SLC12A7: variants seen among roughly 807,000 people sequenced by gnomAD.
The protein encoded by SLC12A7 is K-Cl cotransporter 4.
A neutral mutation model predicts 120.6 loss-of-function variants in SLC12A7; 100 were observed. That is an observed-to-expected ratio of 0.83 (90% CI 0.71 to 0.98). SLC12A7 has a LOEUF of 0.98. Among genes scored for constraint, SLC12A7 ranks in the 50% least tolerant of loss-of-function variants. The pLI, the probability that SLC12A7 is intolerant of heterozygous loss-of-function variation, is 0.00. For missense variants in SLC12A7, 1,373 were observed against 1,548.1 expected, an observed-to-expected ratio of 0.89 and a Z score of 1.90; for synonymous variants, 760 against 678.0, an observed-to-expected ratio of 1.12 and a Z score of -1.88.
the SLC12A7 span, among the ~76,000 whole-genome samples, chr5:1,118,329 G>A: frequency 1.2e-3 from 184 of 152,354 alleles, 1 homozygote; most frequent in South Asian, 7.2e-3. Context: ...CCCATTGGGC[G>A]GTTACATGAG....
Position 1,051,425 on chromosome 5 carries a change from G to C in SLC12A7, c.*935C>G, listed in dbSNP as rs1209287404. 3 of 154,194 alleles carry C rather than the reference G, an allele frequency of 1.9e-5. No homozygotes were observed. The highest frequency in any genetic ancestry group is 7.2e-5 in the African/African-American group (3 of 41,546). The allele number at this position is 154,194 out of a possible 1,614,324, so 9.6% of individuals were successfully genotyped here. A position where few individuals can be genotyped will look rare whatever the true frequency, so the allele number is the denominator to read the frequency against. On this transcript the variant is annotated 3_prime_UTR_variant, in exon 24 of 24. Coordinates refer to ENST00000264930, the MANE Select transcript of SLC12A7 (RefSeq NM_006598.3). Reference sequence around the variant, plus strand: ...TGGGGAGGGCAGTCCTGGCTGTCGTGGGCTGTCGGGGGAACTCACTGTTCA... The same window carrying C: ...TGGGGAGGGCAGTCCTGGCTGTCGTCGGCTGTCGGGGGAACTCACTGTTCA...
chr5:1,081,753 C>A lies in SLC12A7; in HGVS notation c.1130-9G>T, dbSNP rs1374347721. ...CGTACTCCACAGGTTCTCTGCCGGGCAAGGAAGATCCCATGGGTTTCTGGC... is the reference window on the plus strand; with the variant it reads ...CGTACTCCACAGGTTCTCTGCCGGGAAAGGAAGATCCCATGGGTTTCTGGC... On this transcript the variant is annotated splice_polypyrimidine_tract_variant and intron_variant, in intron 8 of 23. Transcript: ENST00000264930. The A allele has an allele frequency of 2.5e-6, 4 of 1,607,270 alleles. No individual in the cohort carries two copies. The highest frequency in any genetic ancestry group is 4.5e-5 in the East Asian group (2 of 44,698).
intron 1 of SLC12A7, among the ~76,000 whole-genome samples, chr5:1,101,444 G>A (rs1742002647): frequency 6.6e-6 from 1 of 152,160 alleles, no homozygotes; most frequent in Admixed American, 6.5e-5. Context: ...ACAGCCTCTG[G>A]TGGGTCCCTG....
intron 22 of SLC12A7, among the ~76,000 whole-genome samples, chr5:1,054,523 A>G (rs1262083667): frequency 6.6e-6 from 1 of 152,052 alleles, no homozygotes; most frequent in Admixed American, 6.6e-5. Flanking sequence ...GGAGGGGAGC[A>G]CTTGCGTTTC....
rs772566310 is a variant in SLC12A7 at position 1,086,961 on chromosome 5, T to C, written c.617A>G (p.Tyr206Cys). The C allele has an allele frequency of 6.2e-7, 1 of 1,612,636 alleles. No individual in the cohort carries two copies. The highest frequency in any genetic ancestry group is 1.1e-5 in the South Asian group (1 of 91,056). Residue 206 changes from tyrosine to cysteine, a missense_variant, in exon 6 of 24, where the codon TAC becomes TGC. Coordinates refer to ENST00000264930, the MANE Select transcript of SLC12A7 (RefSeq NM_006598.3). ...GGCCCCTGCAAACGTCGTGCCCAGG[T>C]AGAAGCAGAGGCCGACAGCGCCTCC... ...EFGGAVGLCF[Y>C]LGTTFAGAMY...
Position 1,068,762 on chromosome 5 carries a change from C to T in SLC12A7, c.2242-3284G>A, listed in dbSNP as rs545997436. On this transcript the variant is annotated intron_variant, in intron 17 of 23. Transcript: ENST00000264930. Reference sequence around the variant, plus strand: ...AGGATCTGCCTGTGAGCTCCGTTAACGTGAGAGTATAAGTGAGCGCAGCTC... The same window carrying T: ...AGGATCTGCCTGTGAGCTCCGTTAATGTGAGAGTATAAGTGAGCGCAGCTC... Among the ~76,000 whole-genome samples, 9 of 152,384 alleles carry T rather than the reference C, an allele frequency of 5.9e-5. No homozygotes were observed. In the East Asian group the frequency reaches 7.7e-4, roughly 13 times the overall value.
rs7714914 is a variant in SLC12A7 at position 1,074,806 on chromosome 5, G to A, written c.1968-135C>T. 445,964 of 784,144 alleles carry A rather than the reference G, an allele frequency of 0.57. 130,451 individuals carry two copies. The highest frequency in any genetic ancestry group is 0.74 in the East Asian group (27,404 of 37,086). The allele number at this position is 784,144 out of a possible 1,614,324, so 48.6% of individuals were successfully genotyped here. ...GGAAAAGTCCCTGGATGAGGAGGGA[G>A]GCCTCCATGCCCACCCTTGCCCTGA... is the stretch of plus-strand genomic sequence containing the variant. On this transcript the variant is annotated intron_variant, in intron 15 of 23. Transcript: ENST00000264930.
In SLC12A7 at chr5:1,097,616, G is replaced by A. The variant is rs546682157; in HGVS notation, c.125-3368C>T. ...AAGCCCTGCGTGTGGGGCCAGCGAG[G>A]CACGACTCTGTCCTTCTGCTGCTTA... On this transcript the variant is annotated intron_variant, in intron 1 of 23. Transcript: ENST00000264930. 5.9e-5 allele frequency among the ~76,000 whole-genome samples: 9 copies of A among 152,332 alleles called. No individual in the cohort carries two copies. In the South Asian group the frequency reaches 1.7e-3, roughly 28 times the overall value.
rs770624765 is a variant in SLC12A7 at position 1,064,186 on chromosome 5, G to A, written c.2504C>T (p.Pro835Leu). 37 of 1,612,240 alleles carry A rather than the reference G, an allele frequency of 2.3e-5. No homozygotes were observed. Among genetic ancestry groups the A allele is most frequent in the Middle Eastern group, 1.6e-4 (1 of 6,082 alleles). ...CCCGCCGAAGCGCTCCTGGTTTTGCGGAAACGAGTCGACGTTCTTGGCCAC... is the reference window on the plus strand; with the variant it reads ...CCCGCCGAAGCGCTCCTGGTTTTGCAGAAACGAGTCGACGTTCTTGGCCAC... ...LLVAKNVDSF[P>L]QNQERFGGGH... Residue 835 changes from proline (P) to leucine (L), a missense_variant, in exon 19 of 24, where the codon CCG (proline) becomes CTG (leucine). By Grantham distance (98) the Pro-to-Leu change is moderately conservative. Coordinates refer to ENST00000264930, the MANE Select transcript of SLC12A7 (RefSeq NM_006598.3).
At chr5:1,123,629 C>T in the SLC12A7 span, among the ~76,000 whole-genome samples, 1 of 152,260 alleles carries the variant, frequency 6.6e-6, no homozygotes, top group African/African-American at 2.4e-5. Flanking sequence ...TGGGCGTTCC[C>T]CGCTGAGGGG....
At chr5:1,061,799 GA>G (rs36074518) in intron 20 of SLC12A7, among the ~76,000 whole-genome samples, 2,459 of 70,758 alleles carry the variant, frequency 0.035, 41 homozygotes, top group Admixed American at 0.1. Context: ...AAAATACAAA[GA>G]AAAAAAAAAA....
chr5:1,131,128 C>G, the SLC12A7 span, among the ~76,000 whole-genome samples: 22,026 of 152,122 alleles, frequency 0.14, 1,821 homozygotes, highest in Non-Finnish European at 0.18. Flanking sequence ...CGCCTGTATT[C>G]GCAGGGACAC....
upstream of SLC12A7, chr5:1,112,123 C>G: frequency 9.7e-7 from 1 of 1,029,288 alleles, no homozygotes; most frequent in African/African-American, 1.7e-5. Flanking sequence ...CGTGACTTCA[C>G]CTGCTTGCCC....
rs1190411051 is a variant in SLC12A7 at position 1,112,040 on chromosome 5, C to G, written c.-49G>C. The G allele has an allele frequency of 2.7e-5, 33 of 1,217,058 alleles. No individual in the cohort carries two copies. Among genetic ancestry groups the G allele is most frequent in the South Asian group, 1.2e-4 (3 of 25,694 alleles). 75.4% of individuals were successfully genotyped at this position (1,217,058 alleles called of 1,614,324 possible). ...CGTCCCGGCCCGGCCCGCGCTGCGC[C>G]GCTCCCGCCGACGCCACGGGACTTG... is the stretch of plus-strand genomic sequence containing the variant. On this transcript the variant is annotated 5_prime_UTR_variant, in exon 1 of 24. Coordinates refer to ENST00000264930, the MANE Select transcript of SLC12A7 (RefSeq NM_006598.3).
intron 21 of SLC12A7, among the ~76,000 whole-genome samples, chr5:1,059,089 C>T (rs952078624): frequency 2.6e-5 from 4 of 152,234 alleles, no homozygotes; most frequent in African/African-American, 7.2e-5. Flanking sequence ...CCAGGGCGAC[C>T]CTGCCGGATC....
At chr5:1,067,446 C>T (rs1157354229) in intron 17 of SLC12A7, among the ~76,000 whole-genome samples, 2 of 152,248 alleles carry the variant, frequency 1.3e-5, no homozygotes, top group Non-Finnish European at 2.9e-5. Flanking sequence ...CCCCTTTATG[C>T]GGCTGCTTCT....
intron 9 of SLC12A7, among the ~76,000 whole-genome samples, chr5:1,080,140 G>A (rs570258800): frequency 1.8e-3 from 266 of 151,480 alleles, no homozygotes; most frequent in African/African-American, 5.5e-3. Context: ...CCGGAGCCAC[G>A]CAGAGGCTCT....
At chr5:1,100,383 C>T (rs1481794857) in intron 1 of SLC12A7, among the ~76,000 whole-genome samples, 15 of 152,374 alleles carry the variant, frequency 9.8e-5, no homozygotes, top group African/African-American at 3.4e-4. Flanking sequence ...CACCCGCAGC[C>T]GCCTGTCATC....
At chr5:1,062,648 C>T (rs1736415596) in intron 20 of SLC12A7, among the ~76,000 whole-genome samples, 1 of 151,814 alleles carries the variant, frequency 6.6e-6, no homozygotes, top group Non-Finnish European at 1.5e-5. Context: ...GGAGCAGGTG[C>T]TCGGGGCCTC....
Sources: gnomAD v4.1 joint callset for allele counts (sites outside exome capture counted in the v4.1 genomes callset) on GRCh38, gnomAD v4.1.1 for gene constraint, MANE v1.5 for transcripts, NCBI Gene and HGNC (gene_info 2026-07-23, HGNC 2026-07-21) for gene names.